H1-7: variants seen among roughly 807,000 people sequenced by gnomAD.
H1-7 encodes testis-specific H1 histone.
H1-7 carries 1 observed loss-of-function variant against 0.3 expected under a neutral mutation model. The ratio of observed to expected loss-of-function variants is 3.06; its 90% CI spans 1.09 to 14.53. H1-7 has a LOEUF of 14.53. H1-7 is among the 30% of genes most tolerant of loss of function. The pLI is 0.12. For synonymous variants in H1-7, 177 were observed against 153.2 expected (o/e 1.16, Z -1.15); for missense variants, 393 against 353.1 (o/e 1.11, Z -0.91).
rs1157071170 is a variant in H1-7 at position 48,330,233 on chromosome 12, G to T, written c.*174G>T. 7.1e-6 allele frequency: 5 copies of T among 702,778 alleles called. No homozygotes were observed. The highest frequency in any genetic ancestry group is 1.2e-5 in the Non-Finnish European group (5 of 422,898). The allele number at this position is 702,778 out of a possible 1,614,324, so 43.5% of individuals were successfully genotyped here. ...AATGCCTTTCCCCCATAGGCCCCAAGAAGAGCGGCTGTCACACTCATTGAA... is the reference window on the plus strand; with the variant it reads ...AATGCCTTTCCCCCATAGGCCCCAATAAGAGCGGCTGTCACACTCATTGAA... On this transcript the variant is annotated 3_prime_UTR_variant, in exon 1 of 1. Transcript: ENST00000335017.
the H1-7 span, chr12:48,329,487 C>CA: frequency 6.2e-7 from 1 of 1,614,084 alleles, no homozygotes; most frequent in East Asian, 2.2e-5. Context: ...GTTGGTGCTC[C>CA]AGGCCATCTC....
chr12:48,330,046 G>A lies in H1-7; in HGVS notation c.755G>A (p.Arg252Gln), dbSNP rs147957264. ...EKQEPKKPAQ[R>Q]TIQ ...CAGGAGCCCAAGAAGCCCGCACAGC[G>A]GACCATCCAGTAGCCAACGCGGGCT... Residue 252 changes from arginine to glutamine, a missense_variant, in exon 1 of 1, where the codon CGG becomes CAG. Physicochemically the swap from Arg to Gln is conservative, Grantham distance 43. Transcript: ENST00000335017. 199 of 1,611,794 alleles carry A rather than the reference G, an allele frequency of 1.2e-4. No homozygotes were observed. The highest frequency in any genetic ancestry group is 2.0e-4 in the East Asian group (9 of 44,856).
In H1-7 at chr12:48,329,999, C is replaced by G. The variant is rs1415899552; in HGVS notation, c.708C>G (p.Ser236Arg). 1 of 1,613,720 alleles carries G rather than the reference C, an allele frequency of 6.2e-7. No individual in the cohort carries two copies. The highest frequency in any genetic ancestry group is 1.3e-5 in the African/African-American group (1 of 74,922). ...GGTCAGGGAAGGACAAGAGGCGAAGCTCCAAGCCCAGGGAAGAGAAGCAGG... is the reference window on the plus strand; with the variant it reads ...GGTCAGGGAAGGACAAGAGGCGAAGGTCCAAGCCCAGGGAAGAGAAGCAGG... ...TPRSGKDKRRSSKPREEKQEP... is the reference protein window; with the variant it reads ...TPRSGKDKRRRSKPREEKQEP... The change falls in exon 1 of 1, where the codon AGC becomes AGG. Residue 236 changes from serine to arginine, a missense_variant. Transcript: ENST00000335017.
Position 48,329,714 on chromosome 12 carries a change from G to A in H1-7, c.423G>A (p.Thr141=). The stretch of plus-strand genomic sequence containing the variant: ...GACGCGCGAGGCAAGAGGAGGGCAC[G>A]CGCGCTCCCTGGAGGACCCCAGCCG... ...KPGRARQEEG[T]RAPWRTPAAP... Residue 141 remains threonine (T), a synonymous_variant, in exon 1 of 1, where the codon ACG becomes ACA. Coordinates refer to ENST00000335017, the MANE Select transcript of H1-7 (RefSeq NM_181788.1). 1.2e-6 allele frequency: 2 copies of A among 1,608,866 alleles called. No individual in the cohort carries two copies. Among genetic ancestry groups the A allele is most frequent in the South Asian group, 1.1e-5 (1 of 90,720 alleles).
chr12:48,329,392 G>C lies in H1-7; in HGVS notation c.101G>C (p.Gly34Ala). 1 of 1,613,956 alleles carries C rather than the reference G, an allele frequency of 6.2e-7. No homozygotes were observed. The highest frequency in any genetic ancestry group is 1.1e-5 in the South Asian group (1 of 91,076). Residue 34 changes from glycine to alanine, a missense_variant, in exon 1 of 1, where the codon GGA becomes GCA. Physicochemically the swap from Gly to Ala is moderately conservative, Grantham distance 60. Coordinates refer to ENST00000335017, the MANE Select transcript of H1-7 (RefSeq NM_181788.1). ...EAPGPSGESR[G>A]HSATQLPAEK... ...CCTGGGCCCAGTGGCGAATCCCGAG[G>C]ACACTCAGCCACTCAGCTGCCAGCG...
In H1-7 at chr12:48,330,022, A is replaced by T; in HGVS notation, c.731A>T (p.Gln244Leu). 1 of 1,613,690 alleles carries T rather than the reference A, an allele frequency of 6.2e-7. No homozygotes were observed. The highest frequency in any genetic ancestry group is 2.2e-5 in the East Asian group (1 of 44,874). The change falls in exon 1 of 1, where the codon CAG becomes CTG. Residue 244 changes from glutamine (Q) to leucine (L), a missense_variant. Gln to Leu is a moderately radical substitution (Grantham distance 113, BLOSUM62 -2). Transcript: ENST00000335017. ...AGCTCCAAGCCCAGGGAAGAGAAGC[A>T]GGAGCCCAAGAAGCCCGCACAGCGG... ...RRSSKPREEK[Q>L]EPKKPAQRTI... is the part of the protein sequence containing the mutation.
rs1209691721 is a variant in H1-7 at position 48,329,665 on chromosome 12, T to G, written c.374T>G (p.Val125Gly). The change falls in exon 1 of 1, where the codon GTT (valine) becomes GGT (glycine). Residue 125 changes from valine to glycine, a missense_variant. Coordinates refer to ENST00000335017, the MANE Select transcript of H1-7 (RefSeq NM_181788.1). ...DAAGYFRVWK[V>G]PKPRRKPGRA... ...GCCGGCTACTTCAGGGTCTGGAAGG[T>G]TCCCAAGCCCAGGAGAAAGCCGGGA... 2.5e-6 allele frequency: 4 copies of G among 1,611,494 alleles called. No homozygotes were observed. The highest frequency in any genetic ancestry group is 3.4e-6 in the Non-Finnish European group (4 of 1,179,466).
chr12:48,329,480 GGT>G, the H1-7 span: 1 of 1,614,100 alleles, frequency 6.2e-7, no homozygotes, highest in Non-Finnish European at 8.5e-7. Flanking sequence ...TGTCCCAGTT[GGT>G]GCTCCAGGCC....
rs1952544167 is a variant in H1-7 at position 48,329,674 on chromosome 12, C to T, written c.383C>T (p.Pro128Leu). 1 of 1,611,506 alleles carries T rather than the reference C, an allele frequency of 6.2e-7. No individual in the cohort carries two copies. Among genetic ancestry groups the T allele is most frequent in the Admixed American group, 1.7e-5 (1 of 59,944 alleles). Residue 128 changes from proline (P) to leucine (L), a missense_variant, in exon 1 of 1, where the codon CCC becomes CTC. Transcript: ENST00000335017. ...TTCAGGGTCTGGAAGGTTCCCAAGC[C>T]CAGGAGAAAGCCGGGACGCGCGAGG... is the stretch of plus-strand genomic sequence containing the variant. ...GYFRVWKVPK[P>L]RRKPGRARQE...
In H1-7 at chr12:48,329,901, G is replaced by A. The variant is rs778372100; in HGVS notation, c.610G>A (p.Ala204Thr). ...PRAKEPPCAR[A>T]KEEAGATAAD... ...AGCCAAGGAGCCGCCGTGTGCCAGA[G>A]CCAAGGAGGAAGCGGGAGCGACAGC... The change falls in exon 1 of 1, where the codon GCC becomes ACC. Residue 204 changes from alanine to threonine, a missense_variant. By Grantham distance (58) the Ala-to-Thr change is moderately conservative. Coordinates refer to ENST00000335017, the MANE Select transcript of H1-7 (RefSeq NM_181788.1). 38 of 1,594,598 alleles carry A rather than the reference G, an allele frequency of 2.4e-5. No homozygotes were observed. The highest frequency in any genetic ancestry group is 3.1e-5 in the Non-Finnish European group (36 of 1,171,266).
chr12:48,330,252 C>T lies in H1-7; in HGVS notation c.*193C>T. ...CCCCAAGAAGAGCGGCTGTCACACT[C>T]ATTGAAATGAAATGGACCTCTAGAC... On this transcript the variant is annotated 3_prime_UTR_variant, in exon 1 of 1. Coordinates refer to ENST00000335017, the MANE Select transcript of H1-7 (RefSeq NM_181788.1). The T allele has an allele frequency of 1.5e-6, 1 of 650,534 alleles. No individual in the cohort carries two copies. Among genetic ancestry groups the T allele is most frequent in the Non-Finnish European group, 2.6e-6 (1 of 380,310 alleles). The allele number at this position is 650,534 out of a possible 1,614,324, so 40.3% of individuals were successfully genotyped here.
In H1-7 at chr12:48,329,949, G is replaced by A; in HGVS notation, c.658G>A (p.Ala220Thr). 6.2e-7 allele frequency: 1 copy of A among 1,610,682 alleles called. No individual in the cohort carries two copies. Among genetic ancestry groups the A allele is most frequent in the Non-Finnish European group, 8.5e-7 (1 of 1,178,552 alleles). Reference sequence around the variant, plus strand: ...AGCGGCAGACGAGGGGCGAGGACAGGCCGTGAAGGAAGACACCACGCCGAG... The same window carrying A: ...AGCGGCAGACGAGGGGCGAGGACAGACCGTGAAGGAAGACACCACGCCGAG... ...ATAADEGRGQAVKEDTTPRSG... is the reference protein window; with the variant it reads ...ATAADEGRGQTVKEDTTPRSG... Residue 220 changes from alanine to threonine, a missense_variant, in exon 1 of 1, where the codon GCC becomes ACC. By Grantham distance (58) the Ala-to-Thr change is moderately conservative (BLOSUM62 0). Coordinates refer to ENST00000335017, the MANE Select transcript of H1-7 (RefSeq NM_181788.1).
Position 48,329,104 on chromosome 12 carries a change from T to A in H1-7, c.-188T>A. The A allele has an allele frequency of 1.7e-6, 1 of 605,538 alleles. No homozygotes were observed. Among genetic ancestry groups the A allele is most frequent in the Non-Finnish European group, 2.8e-6 (1 of 356,962 alleles). 37.5% of individuals were successfully genotyped at this position (605,538 alleles called of 1,614,324 possible). A position where few individuals can be genotyped will look rare whatever the true frequency, so the allele number is the denominator to read the frequency against. On this transcript the variant is annotated 5_prime_UTR_variant, in exon 1 of 1. Coordinates refer to ENST00000335017, the MANE Select transcript of H1-7 (RefSeq NM_181788.1). The stretch of plus-strand genomic sequence containing the variant: ...AACAAAACCCTGGAGACTCTATAGG[T>A]AGGTGACTGTTGGGGGTGGACAGGC...
Position 48,330,207 on chromosome 12 carries a change from C to A in H1-7, c.*148C>A. 1.2e-6 allele frequency: 1 copy of A among 866,072 alleles called. No individual in the cohort carries two copies. The highest frequency in any genetic ancestry group is 1.8e-6 in the Non-Finnish European group (1 of 568,740). 53.6% of individuals were successfully genotyped at this position (866,072 alleles called of 1,614,324 possible). A position where few individuals can be genotyped will look rare whatever the true frequency, so the allele number is the denominator to read the frequency against. ...GAGCAGCTTCACTCCCACCACGGAC[C>A]AATGCCTTTCCCCCATAGGCCCCAA... On this transcript the variant is annotated 3_prime_UTR_variant, in exon 1 of 1. Coordinates refer to ENST00000335017, the MANE Select transcript of H1-7 (RefSeq NM_181788.1).
the H1-7 span, chr12:48,329,940 C>T: frequency 1.2e-6 from 2 of 1,607,164 alleles, no homozygotes; most frequent in South Asian, 1.1e-5. Flanking sequence ...AGACGAGGGG[C>T]GAGGACAGGC....
At position 48,329,474 on chromosome 12, in the gene H1-7, C is replaced by T; in HGVS notation, c.183C>T (p.Ser61=). ...RGCSSSVLRV[S]QLVLQAISTH... ...GCTCAAGCTCCGTGCTCAGAGTGTC[C>T]CAGTTGGTGCTCCAGGCCATCTCCA... Residue 61 remains serine (S), a synonymous_variant, in exon 1 of 1, where the codon TCC becomes TCT. Coordinates refer to ENST00000335017, the MANE Select transcript of H1-7 (RefSeq NM_181788.1). 6.2e-7 allele frequency: 1 copy of T among 1,614,092 alleles called. No individual in the cohort carries two copies. Among genetic ancestry groups the T allele is most frequent in the East Asian group, 2.2e-5 (1 of 44,864 alleles).
the H1-7 span, chr12:48,329,295 G>T: frequency 6.4e-7 from 1 of 1,568,192 alleles, no homozygotes; most frequent in Non-Finnish European, 8.6e-7. Flanking sequence ...CTCAGCTATG[G>T]AACAGGCCTT....
chr12:48,329,833 A>C lies in H1-7; in HGVS notation c.542A>C (p.Lys181Thr). The C allele has an allele frequency of 6.3e-7, 1 of 1,593,174 alleles. No homozygotes were observed. The change falls in exon 1 of 1, where the codon AAG becomes ACG. Residue 181 changes from lysine (K) to threonine (T), a missense_variant. Coordinates refer to ENST00000335017, the MANE Select transcript of H1-7 (RefSeq NM_181788.1). ...AGACGGAACGCGAGGGCGAAAGCCA[A>C]GGCCAATGCCAGGGCGAGGAGGACC... ...VWRRNARAKA[K>T]ANARARRTRR...
chr12:48,329,738 C>A lies in H1-7; in HGVS notation c.447C>A (p.Ala149=). 6.2e-7 allele frequency: 1 copy of A among 1,603,438 alleles called. No individual in the cohort carries two copies. Among genetic ancestry groups the A allele is most frequent in the Non-Finnish European group, 8.5e-7 (1 of 1,176,394 alleles). Residue 149 remains alanine, a synonymous_variant, in exon 1 of 1, where the codon GCC becomes GCA. Transcript: ENST00000335017. ...CGCGCGCTCCCTGGAGGACCCCAGC[C>A]GCGCCCCGGAGCTCCCGGAGGCGCC... ...EGTRAPWRTP[A]APRSSRRRRQ...
Sources: allele counts gnomAD v4.1 joint callset, GRCh38; gene constraint gnomAD v4.1.1; transcripts MANE v1.5; gene names NCBI Gene and HGNC (gene_info 2026-07-23, HGNC 2026-07-21).